TMEM132D: variants seen among roughly 807,000 people sequenced by gnomAD.
TMEM132D encodes the protein mature OL transmembrane protein.
Under a neutral mutation model 62.3 loss-of-function variants are expected in TMEM132D, and 21 were observed. The observed-to-expected ratio is 0.34, with a 90% confidence interval of 0.24 to 0.49. The LOEUF is 0.49. Among genes scored for constraint, TMEM132D ranks in the 20% least tolerant of loss-of-function variants. TMEM132D has a pLI of 0.99. For missense variants in TMEM132D, 1,346 were observed against 1,402.8 expected (o/e 0.96, Z 0.65); for synonymous variants, 621 against 575.6 (o/e 1.08, Z -1.13).
rs553774315 is a variant in TMEM132D at position 129,729,937 on chromosome 12, T to C, written c.80-29239A>G. On this transcript the variant is annotated intron_variant, in intron 1 of 8. Coordinates refer to ENST00000422113, the MANE Select transcript of TMEM132D (RefSeq NM_133448.3). ...TACTTTGTGATATTCCCTGCCCTTG[T>C]GAATGTACTTTGTAACGTCCATCCC... 2.0e-5 allele frequency among the ~76,000 whole-genome samples: 3 copies of C among 152,302 alleles called. No homozygotes were observed. In the South Asian group the frequency reaches 6.2e-4, roughly 32 times the overall value.
At chr12:129,183,096 C>T (rs748850864) in intron 5 of TMEM132D, among the ~76,000 whole-genome samples, 6 of 152,218 alleles carry the variant, frequency 3.9e-5, no homozygotes, top group Non-Finnish European at 7.3e-5. Flanking sequence ...ACTTACCAAA[C>T]CTCTGGTTGC....
At chr12:129,324,704 C>A (rs1430473718) in intron 4 of TMEM132D, among the ~76,000 whole-genome samples, 1 of 151,940 alleles carries the variant, frequency 6.6e-6, no homozygotes, top group African/African-American at 2.4e-5. Context: ...GTGGCGGGCA[C>A]CTGTAATCCC....
chr12:129,191,018 T>A (rs1306448008), intron 5 of TMEM132D, among the ~76,000 whole-genome samples: 1 of 152,006 alleles, frequency 6.6e-6, no homozygotes, highest in Admixed American at 6.6e-5. Context: ...CAGACCCGGC[T>A]CCAGACGCCC....
At chr12:129,754,124 A>C (rs1870087831) in intron 1 of TMEM132D, among the ~76,000 whole-genome samples, 1 of 152,206 alleles carries the variant, frequency 6.6e-6, no homozygotes, top group Non-Finnish European at 1.5e-5. Flanking sequence ...AAGAGATATG[A>C]AGAAAAGAGC....
At chr12:129,235,672 C>T (rs927318084) in intron 4 of TMEM132D, among the ~76,000 whole-genome samples, 8 of 152,072 alleles carry the variant, frequency 5.3e-5, no homozygotes, top group African/African-American at 1.7e-4. Flanking sequence ...TCAACCTATA[C>T]GTTTCTGTGC....
intron 2 of TMEM132D, among the ~76,000 whole-genome samples, chr12:129,602,205 AC>A (rs375300962): frequency 6.6e-6 from 1 of 152,154 alleles, no homozygotes. Flanking sequence ...TGAAAACTAG[AC>A]CGCCTGTATG....
intron 5 of TMEM132D, among the ~76,000 whole-genome samples, chr12:129,169,680 G>T (rs548718815): frequency 4.0e-4 from 61 of 152,210 alleles, no homozygotes; most frequent in African/African-American, 1.3e-3. Context: ...TCAAGACGAG[G>T]GGCTGAGCAG....
intron 3 of TMEM132D, among the ~76,000 whole-genome samples, chr12:129,417,023 T>C (rs1053888421): frequency 6.6e-6 from 1 of 152,192 alleles, no homozygotes; most frequent in African/African-American, 2.4e-5. Context: ...TGTTGGTGTG[T>C]CTCTGCCAGG....
chr12:129,700,936 T>C (rs759156659), intron 1 of TMEM132D, among the ~76,000 whole-genome samples: 7 of 152,186 alleles, frequency 4.6e-5, no homozygotes, highest in Non-Finnish European at 1.0e-4. Flanking sequence ...AAGTTGAGCA[T>C]GCAAATAAAT....
chr12:129,759,515 G>A (rs1355931366), intron 1 of TMEM132D, among the ~76,000 whole-genome samples: 2 of 152,182 alleles, frequency 1.3e-5, no homozygotes, highest in East Asian at 1.9e-4. Context: ...AGGCAGGTTC[G>A]TTCACTGCTC....
intron 5 of TMEM132D, among the ~76,000 whole-genome samples, chr12:129,178,334 G>A (rs1877965596): frequency 6.6e-6 from 1 of 152,014 alleles, no homozygotes; most frequent in Non-Finnish European, 1.5e-5. Flanking sequence ...CTAGGTCTTT[G>A]AGGAATCACC....
chr12:129,406,677 G>A (rs1468524316), intron 3 of TMEM132D, among the ~76,000 whole-genome samples: 1 of 152,028 alleles, frequency 6.6e-6, no homozygotes, highest in East Asian at 1.9e-4. Context: ...CATGTACTGG[G>A]CAAGCACACG....
intron 3 of TMEM132D, among the ~76,000 whole-genome samples, chr12:129,355,383 G>T (rs1303425772): frequency 1.3e-5 from 2 of 150,818 alleles, no homozygotes; most frequent in Non-Finnish European, 3.0e-5. Context: ...GCCTACGTGG[G>T]CAACTGGGTG....
chr12:129,188,146 G>A (rs780520561), intron 5 of TMEM132D, among the ~76,000 whole-genome samples: 6 of 152,180 alleles, frequency 3.9e-5, no homozygotes, highest in Non-Finnish European at 8.8e-5. Flanking sequence ...TCCCTTGAAC[G>A]TGGACATGGA....
At chr12:129,632,872 T>C (rs972444028) in intron 2 of TMEM132D, among the ~76,000 whole-genome samples, 1 of 152,226 alleles carries the variant, frequency 6.6e-6, no homozygotes, top group Non-Finnish European at 1.5e-5. Context: ...TTGTGACACT[T>C]TGTCAGCCAC....
chr12:129,563,770 C>A (rs1315926760), intron 2 of TMEM132D, among the ~76,000 whole-genome samples: 1 of 151,974 alleles, frequency 6.6e-6, no homozygotes, highest in South Asian at 2.1e-4. Context: ...AGACATTCAA[C>A]CCACAGAGAA....
At chr12:129,100,019 G>A (rs1334851257) in intron 5 of TMEM132D, among the ~76,000 whole-genome samples, 2 of 120,342 alleles carry the variant, frequency 1.7e-5, no homozygotes, top group Admixed American at 7.4e-5. Context: ...TAGAGACGGG[G>A]CCACTTTATT....
At chr12:129,242,844 A>T (rs756748940) in intron 4 of TMEM132D, among the ~76,000 whole-genome samples, 1 of 152,196 alleles carries the variant, frequency 6.6e-6, no homozygotes, top group African/African-American at 2.4e-5. Context: ...TTAAACTGTT[A>T]TTGAGCTCTT....
intron 3 of TMEM132D, among the ~76,000 whole-genome samples, chr12:129,406,110 TAA>T (rs1871776136): frequency 6.6e-6 from 1 of 152,236 alleles, no homozygotes; most frequent in African/African-American, 2.4e-5. Context: ...TGTTAAGACA[TAA>T]GTCAGATATT....
Sources: gnomAD v4.1 joint callset for allele counts (sites outside exome capture counted in the v4.1 genomes callset) on GRCh38, gnomAD v4.1.1 for gene constraint, MANE v1.5 for transcripts, NCBI Gene and HGNC (gene_info 2026-07-23, HGNC 2026-07-21) for gene names.